RBM7: variants seen among roughly 807,000 people sequenced by gnomAD.
RBM7 encodes RNA binding motif protein 7.
RBM7 carries 13 observed loss-of-function variants against 31.0 expected under a neutral mutation model. That is an observed-to-expected ratio of 0.42 (90% CI 0.27 to 0.67). The LOEUF is 0.67. Ranked by LOEUF, RBM7 falls within the 30% of genes least tolerant of loss-of-function variation. The probability of loss-of-function intolerance (pLI) is 0.24; values close to 1 mark genes in which losing one functional copy is unlikely to be tolerated. For synonymous variants in RBM7, 106 were observed against 111.2 expected (o/e 0.95, Z 0.30); for missense variants, 245 against 326.2 (o/e 0.75, Z 1.92).
chr11:114,407,416 T>C, intron 4 of RBM7, 29 bp from the exon 5 acceptor site: 2 of 1,580,936 alleles, frequency 1.3e-6, no homozygotes, highest in Non-Finnish European at 1.7e-6. Flanking sequence ...TCTAGAAGTA[T>C]TAACATTTCC....
chr11:114,410,467 C>A lies in RBM7; in HGVS notation c.*2660C>A, dbSNP rs1946322433. 6.6e-6 allele frequency: 1 copy of A among 152,120 alleles called. No homozygotes were observed. Among genetic ancestry groups the A allele is most frequent in the African/African-American group, 2.4e-5 (1 of 41,436 alleles). The allele number at this position is 152,120 out of a possible 1,614,324, so 9.4% of individuals were successfully genotyped here. A position where few individuals can be genotyped will look rare whatever the true frequency, so the allele number is the denominator to read the frequency against. ...CCTACTGCTACCATCTTAGAGTAGGCAATTTTCTCAAGAGGATTATTCCAA... is the reference window on the plus strand; with the variant it reads ...CCTACTGCTACCATCTTAGAGTAGGAAATTTTCTCAAGAGGATTATTCCAA... On this transcript the variant is annotated 3_prime_UTR_variant, in exon 5 of 5. Coordinates refer to ENST00000375490, the MANE Select transcript of RBM7 (RefSeq NM_001286045.2).
intron 2 of RBM7, 87 bp from the exon 3 acceptor site, chr11:114,402,741 C>T: frequency 8.7e-7 from 1 of 1,152,656 alleles, no homozygotes; most frequent in Non-Finnish European, 1.3e-6. Context: ...ATTGTGTTTA[C>T]CTTTTTGGAG....
At chr11:114,401,628 C>G (rs542760478) in intron 1 of RBM7, 70 bp from the exon 2 acceptor site, 2 of 1,229,404 alleles carry the variant, frequency 1.6e-6, no homozygotes, top group Non-Finnish European at 2.2e-6. Context: ...TTTGTCATAT[C>G]TTATTTGTAA....
chr11:114,409,929 T>A lies in RBM7; in HGVS notation c.*2122T>A, dbSNP rs1208272840. 6.6e-6 allele frequency: 1 copy of A among 152,192 alleles called. No homozygotes were observed. The highest frequency in any genetic ancestry group is 1.5e-5 in the Non-Finnish European group (1 of 68,032). The allele number at this position is 152,192 out of a possible 1,614,324, so 9.4% of individuals were successfully genotyped here. A position where few individuals can be genotyped will look rare whatever the true frequency, so the allele number is the denominator to read the frequency against. ...CAACTCAGAAGTACAGGTTTGAGCA[T>A]CCCTTATTCAAAATGCTTGAGAAGT... On this transcript the variant is annotated 3_prime_UTR_variant, in exon 5 of 5. Coordinates refer to ENST00000375490, the MANE Select transcript of RBM7 (RefSeq NM_001286045.2).
intron 3 of RBM7, among the ~76,000 whole-genome samples, chr11:114,403,593 T>C (rs1308542091): frequency 6.6e-6 from 1 of 152,244 alleles, no homozygotes. Flanking sequence ...TAAAGCTATT[T>C]AACAGTCATT....
In RBM7 at chr11:114,402,765, G is replaced by T. The variant is rs557627283; in HGVS notation, c.260-63G>T. ...ACCTTTTTGGAGTGATTTCAAGTGG[G>T]GAAGACAAAATTTCAAATTAGATTT... On this transcript the variant is annotated intron_variant, in intron 2 of 4. Coordinates refer to ENST00000375490, the MANE Select transcript of RBM7 (RefSeq NM_001286045.2). 36 of 1,368,320 alleles carry T rather than the reference G, an allele frequency of 2.6e-5. 1 individual carries two copies. The East Asian group carries it at 7.8e-4, about 30-fold the overall frequency. The allele number at this position is 1,368,320 out of a possible 1,614,324, so 84.8% of individuals were successfully genotyped here.
chr11:114,405,170 G>A (rs1384850073), intron 3 of RBM7, among the ~76,000 whole-genome samples: 1 of 151,944 alleles, frequency 6.6e-6, no homozygotes, highest in East Asian at 1.9e-4. Flanking sequence ...ATTAGCTCAG[G>A]GACTGACAAA....
In RBM7 at chr11:114,402,877, T is replaced by C. The variant is rs2135350817; in HGVS notation, c.309T>C (p.His103=). Residue 103 remains histidine, a synonymous_variant, in exon 3 of 5, where the codon CAT becomes CAC. Coordinates refer to ENST00000375490, the MANE Select transcript of RBM7 (RefSeq NM_001286045.2). ...TCAGTTTGTCATATCCCCAACATCA[T>C]GTTGGAAATTCAAGCCCTACCTCCA... ...QDVSLSYPQH[H]VGNSSPTSTS... 1 of 1,613,432 alleles carries C rather than the reference T, an allele frequency of 6.2e-7. No homozygotes were observed. The highest frequency in any genetic ancestry group is 1.1e-5 in the South Asian group (1 of 91,068).
At chr11:114,401,610 T>C (rs1946202166) in intron 1 of RBM7, 88 bp from the exon 2 acceptor site, 1 of 1,125,916 alleles carries the variant, frequency 8.9e-7, no homozygotes, top group African/African-American at 1.6e-5. Context: ...TTTCTGTTGT[T>C]TTTAAACTTT....
chr11:114,403,887 A>G (rs1946234362), intron 3 of RBM7, among the ~76,000 whole-genome samples: 2 of 152,204 alleles, frequency 1.3e-5, no homozygotes, highest in Non-Finnish European at 1.5e-5. Context: ...ATTTTTGTGA[A>G]TACCTGTTCA....
At position 114,402,432 on chromosome 11, in the gene RBM7, CTT is replaced by C. The variant is rs1466200667; in HGVS notation, c.260-395_260-394del. 1.1e-4 allele frequency among the ~76,000 whole-genome samples: 10 copies of C among 94,090 alleles called. No homozygotes were observed. In the Admixed American group the frequency reaches 1.8e-3, roughly 17 times the overall value. 61.7% of individuals were successfully genotyped at this position (94,090 alleles called of 152,430 possible). A position where few individuals can be genotyped will look rare whatever the true frequency, so the allele number is the denominator to read the frequency against. ...TTTTTTTTTTTTTTTGAGATGGAGT[CTT>C]GCCCTGTTGCCTAGGCTGGAGTGCA... is the stretch of plus-strand genomic sequence containing the variant. On this transcript the variant is annotated intron_variant, in intron 2 of 4. Transcript: ENST00000375490.
At chr11:114,400,919 T>C (rs1178407622) in intron 1 of RBM7, 152 bp downstream of exon 1, 2 of 782,212 alleles carry the variant, frequency 2.6e-6, no homozygotes, top group Non-Finnish European at 4.1e-6. Context: ...AAACGCTCGC[T>C]GGGTGTCGCT....
intron 3 of RBM7, among the ~76,000 whole-genome samples, chr11:114,403,935 G>A (rs1247049372): frequency 6.6e-6 from 1 of 152,100 alleles, no homozygotes. Flanking sequence ...GAGTACAAAG[G>A]GCTTTGAGAA....
Position 114,407,431 on chromosome 11 carries a change from T to G in RBM7, c.442-14T>G. On this transcript the variant is annotated splice_polypyrimidine_tract_variant and intron_variant, in intron 4 of 4. Coordinates refer to ENST00000375490, the MANE Select transcript of RBM7 (RefSeq NM_001286045.2). ...TCTAGAAGTATTAACATTTCCACTTTTCCTATTCCTCAGATGAACAGTGCT... is the reference window on the plus strand; with the variant it reads ...TCTAGAAGTATTAACATTTCCACTTGTCCTATTCCTCAGATGAACAGTGCT... 6.3e-7 allele frequency: 1 copy of G among 1,594,970 alleles called. No individual in the cohort carries two copies. Among genetic ancestry groups the G allele is most frequent in the Non-Finnish European group, 8.6e-7 (1 of 1,169,078 alleles).
At chr11:114,401,264 A>C (rs1946196283) in intron 1 of RBM7, among the ~76,000 whole-genome samples, 1 of 152,238 alleles carries the variant, frequency 6.6e-6, no homozygotes, top group Admixed American at 6.5e-5. Context: ...GTGTTGCTGT[A>C]TTAAAAAGTG....
intron 3 of RBM7, among the ~76,000 whole-genome samples, chr11:114,404,690 GA>G (rs5794912): frequency 1.2e-4 from 17 of 147,282 alleles, no homozygotes; most frequent in Middle Eastern, 3.2e-3. Context: ...GAATTTCTTT[GA>G]AAAAAAAAAA....
At chr11:114,405,633 A>T (rs189851665) in intron 3 of RBM7, 73 bp from the exon 4 acceptor site, 5 of 1,036,798 alleles carry the variant, frequency 4.8e-6, no homozygotes, top group Non-Finnish European at 6.9e-6. Context: ...CCTTTGAGAA[A>T]TGTGTTCTGC....
chr11:114,404,679 A>G (rs1946242812), intron 3 of RBM7, among the ~76,000 whole-genome samples: 2 of 119,642 alleles, frequency 1.7e-5, no homozygotes, highest in African/African-American at 1.0e-4. Flanking sequence ...CTCTATTTAA[A>G]GAATTTCTTT....
At chr11:114,402,631 C>T (rs1946220636) in intron 2 of RBM7, among the ~76,000 whole-genome samples, 197 bp from the exon 3 acceptor site, 1 of 151,870 alleles carries the variant, frequency 6.6e-6, no homozygotes, top group Non-Finnish European at 1.5e-5. Context: ...TCTCGAACTC[C>T]TGGCCTCGAG....
Sources: gnomAD v4.1 joint callset for allele counts (sites outside exome capture counted in the v4.1 genomes callset) on GRCh38, gnomAD v4.1.1 for gene constraint, MANE v1.5 for transcripts, NCBI Gene and HGNC (gene_info 2026-07-23, HGNC 2026-07-21) for gene names.